ZFHX3: variants seen among roughly 807,000 people sequenced by gnomAD.
ZFHX3 encodes zinc finger homeobox 3.
In ZFHX3, 42 loss-of-function variants were observed where a neutral mutation model predicts 279.1. The observed-to-expected ratio is 0.15, with a 90% confidence interval of 0.12 to 0.19. The LOEUF (loss-of-function observed/expected upper bound fraction) is 0.19, where lower values mean the gene tolerates loss of function less well. ZFHX3 is among the 10% of genes least tolerant of loss of function. The pLI is 1.00. For synonymous variants in ZFHX3, 2,293 were observed against 1,957.8 expected, an observed-to-expected ratio of 1.17 and a Z score of -4.52; for missense variants, 4,981 against 4,754.0, an observed-to-expected ratio of 1.05 and a Z score of -1.40.
chr16:72,982,965 G>C (rs1376980278), intron 1 of ZFHX3, among the ~76,000 whole-genome samples: 5 of 152,302 alleles, frequency 3.3e-5, no homozygotes, highest in Admixed American at 6.5e-5. Context: ...AGGACCAGTG[G>C]GGGTAACGTA....
intron 5 of ZFHX3, among the ~76,000 whole-genome samples, chr16:73,175,082 G>A (rs1205792797): frequency 1.3e-5 from 2 of 151,612 alleles, no homozygotes; most frequent in East Asian, 3.9e-4. Context: ...CCATTTCCCT[G>A]CTGAAAACCC....
intron 1 of ZFHX3, among the ~76,000 whole-genome samples, chr16:73,803,123 G>A (rs111755125): frequency 5.3e-5 from 8 of 152,288 alleles, no homozygotes; most frequent in African/African-American, 9.6e-5. Flanking sequence ...TCTAATATGC[G>A]AAGCTCCTAT....
chr16:73,872,546 T>A (rs2029865008), intron 1 of ZFHX3, among the ~76,000 whole-genome samples: 2 of 151,850 alleles, frequency 1.3e-5, no homozygotes, highest in South Asian at 4.2e-4. Context: ...TGATCCTTTC[T>A]TAATATCAGG....
intron 5 of ZFHX3, among the ~76,000 whole-genome samples, chr16:73,256,148 A>C (rs915743707): frequency 6.6e-6 from 1 of 152,214 alleles, no homozygotes; most frequent in Admixed American, 6.5e-5. Context: ...GCCATTCTTC[A>C]GTGGTCACTT....
chr16:73,098,427 T>C (rs1219104142), intron 7 of ZFHX3, among the ~76,000 whole-genome samples: 1 of 152,158 alleles, frequency 6.6e-6, no homozygotes, highest in Non-Finnish European at 1.5e-5. Flanking sequence ...AGTGGCATGA[T>C]CTTGGCTCAC....
At chr16:72,991,148 G>C (rs986185453) in intron 1 of ZFHX3, among the ~76,000 whole-genome samples, 2 of 152,030 alleles carry the variant, frequency 1.3e-5, no homozygotes, top group South Asian at 2.1e-4. Flanking sequence ...AGTACAGTAA[G>C]ATATTCTGAG....
chr16:73,536,925 C>T (rs1215743553), intron 2 of ZFHX3, among the ~76,000 whole-genome samples: 1 of 152,046 alleles, frequency 6.6e-6, no homozygotes, highest in East Asian at 1.9e-4. Flanking sequence ...AATTCAATGA[C>T]ATTCTTTATT....
chr16:73,253,345 C>T (rs1323726591), intron 5 of ZFHX3, among the ~76,000 whole-genome samples: 1 of 152,068 alleles, frequency 6.6e-6, no homozygotes, highest in Non-Finnish European at 1.5e-5. Context: ...GAAATGAAAT[C>T]AATGGAAAGA....
In ZFHX3 at chr16:73,434,592, G is replaced by C. The variant is rs187677244; in HGVS notation, c.-1291+21411C>G. Among the ~76,000 whole-genome samples, 3 of 140,338 alleles carry C rather than the reference G, an allele frequency of 2.1e-5. No homozygotes were observed. The East Asian group carries it at 6.5e-4, about 30-fold the overall frequency. The allele number at this position is 140,338 out of a possible 152,430, so 92.1% of individuals were successfully genotyped here. On this transcript the variant is annotated intron_variant, in intron 3 of 17. Coordinates refer to the ZFHX3 transcript ENST00000641206. ...TTTCCACTTGACTTTGTGCTGTGTTGACTCATCTATGGATGGTGTTTTTTT... is the reference window on the plus strand; with the variant it reads ...TTTCCACTTGACTTTGTGCTGTGTTCACTCATCTATGGATGGTGTTTTTTT...
intron 2 of ZFHX3, among the ~76,000 whole-genome samples, chr16:73,479,561 T>C (rs575183234): frequency 6.9e-4 from 105 of 152,294 alleles, no homozygotes; most frequent in Non-Finnish European, 1.4e-3. Flanking sequence ...GCTCCTGCAC[T>C]CTGTTATATG....
chr16:73,228,917 G>A (rs941959432), intron 5 of ZFHX3, among the ~76,000 whole-genome samples: 3 of 152,110 alleles, frequency 2.0e-5, no homozygotes, highest in Middle Eastern at 3.2e-3. Context: ...TTTGGAAGAC[G>A]TCGTGGCTTG....
At chr16:72,834,129 C>G (rs964517103) in intron 4 of ZFHX3, among the ~76,000 whole-genome samples, 2 of 152,116 alleles carry the variant, frequency 1.3e-5, no homozygotes, top group African/African-American at 4.8e-5. Context: ...TGCTTGTAGT[C>G]GTAGCTAACT....
rs539310891 is a variant in ZFHX3, at chr16:72,856,850, G to C, written c.3449-26991C>G. 2.0e-5 allele frequency among the ~76,000 whole-genome samples: 3 copies of C among 152,266 alleles called. No homozygotes were observed. The East Asian group carries it at 5.8e-4, about 29-fold the overall frequency. On this transcript the variant is annotated intron_variant, in intron 4 of 9. Coordinates refer to ENST00000268489, the MANE Select transcript of ZFHX3 (RefSeq NM_006885.4). The stretch of plus-strand genomic sequence containing the variant: ...GTGAAATGGATTGTGTCAAGTGAGT[G>C]GGGCCTGGCTTATAAATACAGACAG...
intron 2 of ZFHX3, among the ~76,000 whole-genome samples, chr16:73,646,924 G>C (rs1470270192): frequency 6.6e-6 from 1 of 151,988 alleles, no homozygotes; most frequent in Non-Finnish European, 1.5e-5. Context: ...CCTTTGGAGA[G>C]TGAAAGAACG....
rs75597609 is a variant in ZFHX3, at chr16:73,020,760, G to A, written c.-50+26992C>T. On this transcript the variant is annotated intron_variant, in intron 1 of 9. Coordinates refer to ENST00000268489, the MANE Select transcript of ZFHX3 (RefSeq NM_006885.4). ...TTAAGGGTAAAGTCAGGGAGGCACG[G>A]GCATGGTTGTTGGACCTTTTCTGTC... is the stretch of plus-strand genomic sequence containing the variant. Among the ~76,000 whole-genome samples the A allele has an allele frequency of 3.3e-3, 499 of 152,270 alleles. 1 individual carries two copies. The highest frequency in any genetic ancestry group is 0.012 in the South Asian group (59 of 4,816).
intron 3 of ZFHX3, among the ~76,000 whole-genome samples, chr16:73,395,620 C>A (rs890859874): frequency 3.3e-5 from 5 of 152,040 alleles, no homozygotes; most frequent in African/African-American, 1.2e-4. Flanking sequence ...AGGCTGTTGT[C>A]TCCTAACTAT....
At chr16:73,272,086 G>A (rs1044579250) in intron 4 of ZFHX3, among the ~76,000 whole-genome samples, 11 of 152,116 alleles carry the variant, frequency 7.2e-5, no homozygotes, top group African/African-American at 9.7e-5. Context: ...CATCCATGTC[G>A]AAGTTTTCAT....
chr16:72,881,231 T>C (rs951280457), intron 4 of ZFHX3, among the ~76,000 whole-genome samples: 4 of 152,206 alleles, frequency 2.6e-5, no homozygotes, highest in African/African-American at 7.2e-5. Context: ...GTTAATATGA[T>C]GCAGAAACTG....
chr16:73,466,067 C>T (rs2143591400), intron 2 of ZFHX3, among the ~76,000 whole-genome samples: 1 of 152,052 alleles, frequency 6.6e-6, no homozygotes, highest in African/African-American at 2.4e-5. Flanking sequence ...GTATGAAAAA[C>T]ATTGTCATAG....
Sources: gnomAD v4.1 joint callset for allele counts (sites outside exome capture counted in the v4.1 genomes callset) on GRCh38, gnomAD v4.1.1 for gene constraint, MANE v1.5 for transcripts, NCBI Gene and HGNC (gene_info 2026-07-23, HGNC 2026-07-21) for gene names.